The following SLC25A28 variants were observed in gnomAD, a reference collection of about 807,000 sequenced individuals.
SLC25A28 encodes the protein mitoferrin-2.
In SLC25A28, 10 loss-of-function variants were observed where a neutral mutation model predicts 31.9. The ratio of observed to expected loss-of-function variants is 0.31; its 90% CI spans 0.19 to 0.53. SLC25A28 has a LOEUF of 0.53. SLC25A28 is among the 20% of genes least tolerant of loss of function. SLC25A28 has a pLI of 0.95. For missense variants in SLC25A28, 256 were observed against 490.3 expected (o/e 0.52, Z 4.51); for synonymous variants, 208 against 203.6 (o/e 1.02, Z -0.19).
the SLC25A28 span, among the ~76,000 whole-genome samples, chr10:99,658,557 G>A: frequency 6.6e-6 from 1 of 152,146 alleles, no homozygotes; most frequent in Non-Finnish European, 1.5e-5. Flanking sequence ...AGGGGAAGGC[G>A]ACCCTTAAGA....
the SLC25A28 span, among the ~76,000 whole-genome samples, chr10:99,628,988 ATAGAATTAC>A: frequency 6.6e-6 from 1 of 152,212 alleles, no homozygotes; most frequent in Non-Finnish European, 1.5e-5. Context: ...AAAGTTAAAC[ATAGAATTAC>A]TATATGACCC....
intron 1 of SLC25A28, chr10:99,616,769 C>T: frequency 1.0e-6 from 1 of 979,874 alleles, no homozygotes; most frequent in Non-Finnish European, 1.2e-6. Context: ...CAAATCATAA[C>T]TGTGCTACTT....
chr10:99,637,187 C>G, the SLC25A28 span, among the ~76,000 whole-genome samples: 1 of 151,942 alleles, frequency 6.6e-6, no homozygotes, highest in Non-Finnish European at 1.5e-5. Flanking sequence ...TAAAAACAAA[C>G]CACATGATCA....
In SLC25A28 at chr10:99,620,216, C is replaced by A. The variant is rs1306725536; in HGVS notation, c.120G>T (p.Gly40=). ...DGWLQRGVGR[G]AGGGEAGACR... Reference sequence around the variant, plus strand: ...AGGCCCCGGCCTCCCCGCCGCCGGCCCCCCGGCCCACGCCCCGCTGCAGCC... The same window carrying A: ...AGGCCCCGGCCTCCCCGCCGCCGGCACCCCGGCCCACGCCCCGCTGCAGCC... Residue 40 remains glycine (G), a synonymous_variant, in exon 1 of 4, where the codon GGG becomes GGT. Coordinates refer to ENST00000370495, the MANE Select transcript of SLC25A28 (RefSeq NM_031212.4). 2 of 1,402,860 alleles carry A rather than the reference C, an allele frequency of 1.4e-6. No individual in the cohort carries two copies. Among genetic ancestry groups the A allele is most frequent in the Non-Finnish European group, 1.9e-6 (2 of 1,079,272 alleles). The allele number at this position is 1,402,860 out of a possible 1,614,324, so 86.9% of individuals were successfully genotyped here.
chr10:99,640,979 G>T, the SLC25A28 span, among the ~76,000 whole-genome samples: 15 of 152,164 alleles, frequency 9.9e-5, no homozygotes, highest in African/African-American at 3.4e-4. Flanking sequence ...TGGACATTTG[G>T]GTTGGTTCCA....
chr10:99,620,256 G>A lies in SLC25A28; in HGVS notation c.80C>T (p.Ala27Val), dbSNP rs1199313199. Residue 27 changes from alanine (A) to valine (V), a missense_variant, in exon 1 of 4, where the codon GCG becomes GTG. By Grantham distance (64) the Ala-to-Val change is moderately conservative. This residue lies in a region of SLC25A28 where 47 missense variants were observed against 41.4 expected (regional missense o/e 1.14). Coordinates refer to ENST00000370495, the MANE Select transcript of SLC25A28 (RefSeq NM_031212.4). The stretch of plus-strand genomic sequence containing the variant: ...CCGCTGCAGCCACCCGTCCAGCAGC[G>A]CCGACTCCCCGGGGCTCCGCCCGGG... The part of the protein sequence containing the change: ...AGPGRSPGES[A>V]LLDGWLQRGV... The A allele has an allele frequency of 1.1e-5, 14 of 1,264,886 alleles. No homozygotes were observed. In the East Asian group the frequency reaches 1.6e-4, roughly 15 times the overall value. The allele number at this position is 1,264,886 out of a possible 1,614,324, so 78.4% of individuals were successfully genotyped here.
chr10:99,616,194 G>T, intron 1 of SLC25A28: 19 of 985,372 alleles, frequency 1.9e-5, no homozygotes, highest in Non-Finnish European at 2.3e-5. Context: ...AAACAACCCA[G>T]TAGAGAGGTA....
chr10:99,638,206 C>T, the SLC25A28 span, among the ~76,000 whole-genome samples: 18 of 152,156 alleles, frequency 1.2e-4, no homozygotes, highest in African/African-American at 3.9e-4. Flanking sequence ...AAATGATACC[C>T]TTTTCCACAA....
At chr10:99,634,037 A>C in the SLC25A28 span, among the ~76,000 whole-genome samples, 23 of 152,336 alleles carry the variant, frequency 1.5e-4, no homozygotes, top group African/African-American at 5.1e-4. Flanking sequence ...AGCTAGACCC[A>C]GAAAAGAGAT....
intron 1 of SLC25A28, chr10:99,618,445 T>A: frequency 1.0e-6 from 1 of 985,472 alleles, no homozygotes; most frequent in Non-Finnish European, 1.2e-6. Flanking sequence ...AGTCTAAGTC[T>A]AGGGAGGTTA....
the SLC25A28 span, among the ~76,000 whole-genome samples, chr10:99,657,431 C>T: frequency 2.0e-5 from 3 of 151,984 alleles, no homozygotes; most frequent in Non-Finnish European, 4.4e-5. Flanking sequence ...TGCAACTATT[C>T]TATTCAATGT....
At chr10:99,648,488 A>G in the SLC25A28 span, among the ~76,000 whole-genome samples, 39 of 152,212 alleles carry the variant, frequency 2.6e-4, no homozygotes, top group African/African-American at 8.9e-4. Context: ...TCTGGGAAAA[A>G]TGACATTGGT....
chr10:99,639,577 A>G, the SLC25A28 span, among the ~76,000 whole-genome samples: 2 of 152,244 alleles, frequency 1.3e-5, no homozygotes, highest in East Asian at 3.9e-4. Context: ...GAGAGGACCA[A>G]GCTTGATCCA....
the SLC25A28 span, among the ~76,000 whole-genome samples, chr10:99,637,595 T>A: frequency 1.3e-5 from 2 of 152,190 alleles, no homozygotes; most frequent in Non-Finnish European, 2.9e-5. Flanking sequence ...AGTTTCTGGA[T>A]ACAAGATTAA....
Position 99,617,307 on chromosome 10 carries a change from C to T in SLC25A28, c.291+2738G>A. ...AAATAGCTGGTTGAATAACCATGAT[C>T]CAGCAAGGCTACACTGACTTCTCAT... On this transcript the variant is annotated intron_variant, in intron 1 of 3. Coordinates refer to ENST00000370495, the MANE Select transcript of SLC25A28 (RefSeq NM_031212.4). The T allele has an allele frequency of 5.1e-6, 5 of 985,440 alleles. 1 individual carries two copies. In the South Asian group the frequency reaches 1.4e-4, roughly 28 times the overall value. 61.0% of individuals were successfully genotyped at this position (985,440 alleles called of 1,614,324 possible).
chr10:99,648,102 A>G, the SLC25A28 span, among the ~76,000 whole-genome samples: 2 of 151,842 alleles, frequency 1.3e-5, no homozygotes, highest in South Asian at 4.1e-4. Context: ...AGCCTCAAGC[A>G]ATTCTCATGC....
intron 1 of SLC25A28, among the ~76,000 whole-genome samples, chr10:99,614,410 G>A (rs189550829): frequency 1.4e-4 from 22 of 152,210 alleles, no homozygotes; most frequent in African/African-American, 4.8e-4. Flanking sequence ...CAGACTATCT[G>A]GCAATGGTGG....
chr10:99,622,862 ATGTTTATTG>A (rs1289936074), upstream of SLC25A28, among the ~76,000 whole-genome samples: 2 of 152,132 alleles, frequency 1.3e-5, no homozygotes, highest in Non-Finnish European at 2.9e-5. Flanking sequence ...ACATTCAGTA[ATGTTTATTG>A]TGTACCAACT....
At chr10:99,617,268 C>T in intron 1 of SLC25A28, 1 of 985,422 alleles carries the variant, frequency 1.0e-6, no homozygotes, top group Non-Finnish European at 1.2e-6. Context: ...CAAGCCTCTC[C>T]ATTATAGCCA....
Sources: allele counts gnomAD v4.1 joint callset (sites outside exome capture counted in the v4.1 genomes callset), GRCh38; gene constraint gnomAD v4.1.1; regional missense constraint gnomAD v4.1.1; transcripts MANE v1.5; gene names NCBI Gene and HGNC (gene_info 2026-07-23, HGNC 2026-07-21).